The following BEST3 variants were observed in gnomAD, a reference collection of about 807,000 sequenced individuals.
BEST3 encodes the protein bestrophin-3.
A neutral mutation model predicts 47.1 loss-of-function variants in BEST3; 50 were observed. The ratio of observed to expected loss-of-function variants is 1.06; its 90% CI spans 0.85 to 1.34. BEST3 has a LOEUF of 1.34. BEST3 is among the 40% of genes most tolerant of loss of function. The pLI, the probability that BEST3 is intolerant of heterozygous loss-of-function variation, is 0.00. For synonymous variants in BEST3, 282 were observed against 298.8 expected (o/e 0.94, Z 0.58); for missense variants, 765 against 817.0 (o/e 0.94, Z 0.78).
At chr12:69,690,281 A>G (rs1885865788) in intron 4 of BEST3, among the ~76,000 whole-genome samples, 2 of 152,260 alleles carry the variant, frequency 1.3e-5, no homozygotes, top group Admixed American at 6.5e-5. Context: ...CTGAGCAGAT[A>G]GAAGTATTTC....
chr12:69,683,128 T>C (rs1355567897), intron 4 of BEST3: 1 of 152,234 alleles, frequency 6.6e-6, no homozygotes, highest in Non-Finnish European at 1.5e-5. Context: ...TGCTAGCAAG[T>C]CCTTTCTTAG....
At chr12:69,692,416 C>T (rs1458275043) in intron 4 of BEST3, among the ~76,000 whole-genome samples, 3 of 152,200 alleles carry the variant, frequency 2.0e-5, no homozygotes, top group Admixed American at 2.0e-4. Flanking sequence ...AATATTTATA[C>T]ACCAAAGAGA....
intron 9 of BEST3, among the ~76,000 whole-genome samples, chr12:69,659,093 T>C (rs1883707457): frequency 2.0e-5 from 3 of 152,218 alleles, no homozygotes; most frequent in African/African-American, 7.2e-5. Flanking sequence ...AGAAGCACGC[T>C]TGGTGATCAG....
At chr12:69,673,360 C>T (rs947981586) in intron 7 of BEST3, among the ~76,000 whole-genome samples, 1 of 152,166 alleles carries the variant, frequency 6.6e-6, no homozygotes, top group African/African-American at 2.4e-5. Flanking sequence ...ACAAAATGTA[C>T]ACAGGGAGAA....
At chr12:69,678,712 T>C (rs1037659689) in intron 5 of BEST3, 27 bp downstream of exon 5, 1 of 1,609,602 alleles carries the variant, frequency 6.2e-7, no homozygotes, top group East Asian at 2.2e-5. Flanking sequence ...ATTAGCGTAT[T>C]TTTCTTATGA....
At chr12:69,657,472 T>C (rs531535992) in intron 9 of BEST3, among the ~76,000 whole-genome samples, 1 of 152,296 alleles carries the variant, frequency 6.6e-6, no homozygotes, top group Admixed American at 6.5e-5. Context: ...TTTGGTAGTT[T>C]GGTCTACTCT....
At chr12:69,677,385 G>T in intron 5 of BEST3, 128 bp from the exon 6 acceptor site, 3 of 807,532 alleles carry the variant, frequency 3.7e-6, no homozygotes, top group Non-Finnish European at 4.1e-6. Flanking sequence ...TGATTCCCAA[G>T]GATACTCCAA....
At chr12:69,644,696 A>G (rs1045276400) in intron 9 of BEST3, among the ~76,000 whole-genome samples, 17 of 152,284 alleles carry the variant, frequency 1.1e-4, no homozygotes, top group Middle Eastern at 3.4e-3. Flanking sequence ...TGCTTTAGTT[A>G]TGGTTCCACT....
chr12:69,661,166 G>T (rs969533341), intron 9 of BEST3: 3 of 152,148 alleles, frequency 2.0e-5, no homozygotes, highest in Admixed American at 1.3e-4. Context: ...AGGATTTAAT[G>T]CATTTCTCCA....
At chr12:69,670,189 C>A (rs1593156370) in intron 9 of BEST3, 2 of 384,474 alleles carry the variant, frequency 5.2e-6, no homozygotes, top group Non-Finnish European at 4.8e-6. Context: ...CAGAAGGTAT[C>A]ATGAAGGCTG....
intron 2 of BEST3, among the ~76,000 whole-genome samples, chr12:69,695,331 A>T (rs1886093826): frequency 6.6e-6 from 1 of 152,202 alleles, no homozygotes; most frequent in African/African-American, 2.4e-5. Context: ...TCAAAGGCTC[A>T]TTTGGGTCAG....
intron 9 of BEST3, among the ~76,000 whole-genome samples, chr12:69,662,032 G>A (rs1008240483): frequency 2.6e-5 from 4 of 152,096 alleles, no homozygotes; most frequent in African/African-American, 9.7e-5. Flanking sequence ...ATATTCTATA[G>A]GAATTTTGTT....
chr12:69,653,699 C>T lies in BEST3; in HGVS notation c.*1208G>A. Reference sequence around the variant, plus strand: ...AAGTGCAGCAGTCGTAAGGCATGGCCTAGGCACTTGGGAGCCCACGACAAA... The same window carrying T: ...AAGTGCAGCAGTCGTAAGGCATGGCTTAGGCACTTGGGAGCCCACGACAAA... On this transcript the variant is annotated 3_prime_UTR_variant, in exon 10 of 10. Transcript: ENST00000330891. 1.0e-6 allele frequency: 1 copy of T among 985,398 alleles called. No homozygotes were observed. Among genetic ancestry groups the T allele is most frequent in the Non-Finnish European group, 1.2e-6 (1 of 829,954 alleles). 61.0% of individuals were successfully genotyped at this position (985,398 alleles called of 1,614,324 possible).
At chr12:69,658,891 A>G (rs1883688948) in intron 9 of BEST3, among the ~76,000 whole-genome samples, 1 of 152,154 alleles carries the variant, frequency 6.6e-6, no homozygotes, top group Non-Finnish European at 1.5e-5. Flanking sequence ...AGGTTGTGGG[A>G]TGTGAACTTT....
chr12:69,663,682 A>C (rs1884006404), intron 9 of BEST3, among the ~76,000 whole-genome samples: 1 of 152,104 alleles, frequency 6.6e-6, no homozygotes, highest in Non-Finnish European at 1.5e-5. Flanking sequence ...AAAGCCAGGC[A>C]TGGTGTCATG....
At chr12:69,670,603 G>T (rs1366167559) in intron 9 of BEST3, 1 of 701,218 alleles carries the variant, frequency 1.4e-6, no homozygotes, top group South Asian at 1.5e-5. Context: ...AGGAGGGCAG[G>T]CCACTTCAGG....
Position 69,699,186 on chromosome 12 carries a change from G to A in BEST3, c.-16+19C>T. The A allele has an allele frequency of 1.0e-6, 1 of 981,810 alleles. No homozygotes were observed. The allele number at this position is 981,810 out of a possible 1,614,324, so 60.8% of individuals were successfully genotyped here. A position where few individuals can be genotyped will look rare whatever the true frequency, so the allele number is the denominator to read the frequency against. ...TAGAGGTCAGAATTAAAATGCATAG[G>A]TTTACTCTGGGCACTAACCTATTTA... On this transcript the variant is annotated intron_variant, in intron 1 of 9. Transcript: ENST00000330891.
intron 4 of BEST3, among the ~76,000 whole-genome samples, chr12:69,687,640 G>A (rs112376723): frequency 0.042 from 5,868 of 140,340 alleles, 161 homozygotes; most frequent in African/African-American, 0.071. Context: ...CTCCAGGTTG[G>A]GCAACTGAGT....
intron 4 of BEST3, among the ~76,000 whole-genome samples, chr12:69,682,562 G>A (rs1885318231): frequency 7.4e-6 from 1 of 135,094 alleles, no homozygotes; most frequent in East Asian, 2.2e-4. Context: ...GAATTGCAGA[G>A]CATGATTAAA....
Sources: gnomAD v4.1 joint callset for allele counts (sites outside exome capture counted in the v4.1 genomes callset) on GRCh38, gnomAD v4.1.1 for gene constraint, MANE v1.5 for transcripts, NCBI Gene and HGNC (gene_info 2026-07-23, HGNC 2026-07-21) for gene names.